Variants in SGPP1 observed in about 807,000 individuals in gnomAD.
SGPP1 encodes the protein sphingosine-1-phosphate phosphatase 1, also known as hSPP1.
Under a neutral mutation model 33.0 loss-of-function variants are expected in SGPP1, and 21 were observed. The ratio of observed to expected loss-of-function variants is 0.64; its 90% CI spans 0.45 to 0.92. The LOEUF (loss-of-function observed/expected upper bound fraction) is 0.92. SGPP1 is among the 40% of genes least tolerant of loss of function. The pLI, the probability that SGPP1 is intolerant of heterozygous loss-of-function variation, is 0.00. For missense variants in SGPP1, 543 were observed against 589.4 expected, an observed-to-expected ratio of 0.92 and a Z score of 0.81; for synonymous variants, 239 against 241.2, an observed-to-expected ratio of 0.99 and a Z score of 0.08.
chr14:63,711,083 G>A (rs552371668), intron 1 of SGPP1, among the ~76,000 whole-genome samples: 34 of 147,556 alleles, frequency 2.3e-4, no homozygotes, highest in African/African-American at 8.3e-4. Flanking sequence ...GCGCGATCTT[G>A]GCTCACTGCA....
intron 1 of SGPP1, among the ~76,000 whole-genome samples, chr14:63,716,022 A>T (rs1885616523): frequency 6.6e-6 from 1 of 152,188 alleles, no homozygotes; most frequent in African/African-American, 2.4e-5. Flanking sequence ...CTGACAAGTA[A>T]TTTAACTGCA....
At chr14:63,710,433 A>G (rs999044058) in intron 1 of SGPP1, among the ~76,000 whole-genome samples, 14 of 152,224 alleles carry the variant, frequency 9.2e-5, no homozygotes, top group African/African-American at 3.4e-4. Flanking sequence ...TATTTACTTC[A>G]TGCATTATAT....
At chr14:63,722,574 CATT>C (rs1016298749) in intron 1 of SGPP1, among the ~76,000 whole-genome samples, 10 of 145,872 alleles carry the variant, frequency 6.9e-5, no homozygotes, top group South Asian at 4.3e-4. Context: ...AATGCTATAA[CATT>C]ATTATTATAA....
chr14:63,694,259 A>G (rs918088630), intron 2 of SGPP1, among the ~76,000 whole-genome samples: 2 of 152,032 alleles, frequency 1.3e-5, no homozygotes, highest in African/African-American at 4.8e-5. Context: ...GGGTAACAGA[A>G]GGAGACCCTG....
intron 2 of SGPP1, among the ~76,000 whole-genome samples, chr14:63,694,346 C>T (rs1885147121): frequency 6.6e-6 from 1 of 151,580 alleles, no homozygotes; most frequent in South Asian, 2.1e-4. Flanking sequence ...ATCTCTTTAA[C>T]ATTAAGAATT....
rs142723600 is a variant in SGPP1 at position 63,711,170 on chromosome 14, C to T, written c.685-12512G>A. 1.1e-3 allele frequency among the ~76,000 whole-genome samples: 163 copies of T among 152,098 alleles called. 1 individual carries two copies. The East Asian group carries it at 0.024, about 22-fold the overall frequency. On this transcript the variant is annotated intron_variant, in intron 1 of 2. Transcript: ENST00000247225. ...CTGGGATTACAGGCGTCCACCACCA[C>T]GCCCAGCTAATTTTTTGTAATTTTA...
At position 63,686,299 on chromosome 14, in the gene SGPP1, T is replaced by G. The variant is rs761894178; in HGVS notation, c.1132A>C (p.Ile378Leu). The change falls in exon 3 of 3, where the codon ATA (isoleucine) becomes CTA (leucine). Residue 378 changes from isoleucine to leucine, a missense_variant. By Grantham distance (5) the Ile-to-Leu change is conservative. Coordinates refer to ENST00000247225, the MANE Select transcript of SGPP1 (RefSeq NM_030791.4). ...ATCTTTTTCATTACATCTCTGATTA[T>G]TAGTACAAATACCATCCCTATGAGG... ...RILIGMVFVL[I>L]IRDVMKKITI... 1 of 1,614,010 alleles carries G rather than the reference T, an allele frequency of 6.2e-7. No homozygotes were observed. The highest frequency in any genetic ancestry group is 1.1e-5 in the South Asian group (1 of 91,068).
At chr14:63,710,715 G>A (rs1335353513) in intron 1 of SGPP1, among the ~76,000 whole-genome samples, 18 of 152,140 alleles carry the variant, frequency 1.2e-4, no homozygotes, top group Non-Finnish European at 2.9e-5. Context: ...TCCTCATTGA[G>A]AAAACCAGCC....
chr14:63,710,675 A>G (rs868411851), intron 1 of SGPP1, among the ~76,000 whole-genome samples: 2 of 152,210 alleles, frequency 1.3e-5, no homozygotes, highest in Non-Finnish European at 1.5e-5. Flanking sequence ...CTTTCAGTCC[A>G]CATGACAGAC....
chr14:63,709,171 T>TC (rs1189533054), intron 1 of SGPP1, among the ~76,000 whole-genome samples: 1 of 152,136 alleles, frequency 6.6e-6, no homozygotes, highest in Non-Finnish European at 1.5e-5. Context: ...GGTCAGGAGT[T>TC]CGTGACGAGC....
intron 2 of SGPP1, among the ~76,000 whole-genome samples, chr14:63,697,266 T>TTTTTTA (rs1299841953): frequency 6.6e-6 from 1 of 152,212 alleles, no homozygotes; most frequent in East Asian, 1.9e-4. Flanking sequence ...TGTTTGGGAC[T>TTTTTTA]TCTGGAAATT....
At chr14:63,713,201 C>A (rs958196429) in intron 1 of SGPP1, among the ~76,000 whole-genome samples, 2 of 152,210 alleles carry the variant, frequency 1.3e-5, no homozygotes, top group African/African-American at 2.4e-5. Flanking sequence ...CTGAAGTCAT[C>A]TCCATGCCGT....
At chr14:63,718,985 T>C (rs987992267) in intron 1 of SGPP1, among the ~76,000 whole-genome samples, 1 of 14,452 alleles carries the variant, frequency 6.9e-5, no homozygotes, top group Non-Finnish European at 1.3e-4. Flanking sequence ...TACATATATA[T>C]ATATATATAT....
intron 1 of SGPP1, among the ~76,000 whole-genome samples, chr14:63,709,386 A>C (rs1373625656): frequency 6.6e-6 from 1 of 152,098 alleles, no homozygotes; most frequent in Non-Finnish European, 1.5e-5. Flanking sequence ...AAAAAAAAAA[A>C]AAAACCATTA....
intron 2 of SGPP1, among the ~76,000 whole-genome samples, chr14:63,687,420 A>C (rs1885002625): frequency 6.6e-6 from 1 of 152,212 alleles, no homozygotes; most frequent in African/African-American, 2.4e-5. Context: ...AGCCCGAGTA[A>C]CAGAGCAAGA....
intron 1 of SGPP1, among the ~76,000 whole-genome samples, chr14:63,700,169 T>C (rs571218769): frequency 4.2e-4 from 64 of 152,238 alleles, no homozygotes; most frequent in Non-Finnish European, 1.3e-4. Flanking sequence ...AGTGCTAAGA[T>C]TACAGGTGCA....
intron 1 of SGPP1, among the ~76,000 whole-genome samples, chr14:63,700,535 TC>T (rs1327526995): frequency 1.3e-5 from 2 of 152,216 alleles, no homozygotes; most frequent in African/African-American, 4.8e-5. Flanking sequence ...ATAATTATAT[TC>T]TTTTCTGGGA....
intron 1 of SGPP1, among the ~76,000 whole-genome samples, chr14:63,718,219 T>C (rs1260190858): frequency 6.7e-6 from 1 of 148,892 alleles, no homozygotes; most frequent in Non-Finnish European, 1.5e-5. Flanking sequence ...CTGTATGCCA[T>C]CCTGGGGAAC....
chr14:63,689,116 T>C (rs1381212702), intron 2 of SGPP1, among the ~76,000 whole-genome samples: 1 of 152,194 alleles, frequency 6.6e-6, no homozygotes, highest in Non-Finnish European at 1.5e-5. Flanking sequence ...ATTTGATACA[T>C]AGCAAAATAC....
Sources: allele counts gnomAD v4.1 joint callset (sites outside exome capture counted in the v4.1 genomes callset), GRCh38; gene constraint gnomAD v4.1.1; transcripts MANE v1.5; gene names NCBI Gene and HGNC (gene_info 2026-07-23, HGNC 2026-07-21).